The following MEMO1 variants were observed in gnomAD, a reference collection of about 807,000 sequenced individuals.
The protein encoded by MEMO1 is protein MEMO1.
In MEMO1, 6 loss-of-function variants were observed where a neutral mutation model predicts 45.2. The observed-to-expected ratio is 0.13, with a 90% CI of 0.07 to 0.26. The LOEUF is 0.26. Ranked by LOEUF, MEMO1 falls within the 10% of genes least tolerant of loss-of-function variation. The pLI, the probability that MEMO1 is intolerant of heterozygous loss-of-function variation, is 1.00. For synonymous variants in MEMO1, 78 were observed against 124.3 expected (o/e 0.63, Z 2.48); for missense variants, 184 against 370.5 (o/e 0.50, Z 4.13).
At chr2:31,901,473 C>T (rs1678806471) in intron 6 of MEMO1, among the ~76,000 whole-genome samples, 1 of 147,226 alleles carries the variant, frequency 6.8e-6, no homozygotes, top group South Asian at 2.2e-4. Context: ...AAATAGACTA[C>T]ATTTTGTACA....
In MEMO1 at chr2:32,006,590, C is replaced by CG. The variant is rs1558574092; in HGVS notation, c.61+3596_61+3597insC. Among the ~76,000 whole-genome samples, 673 of 140,316 alleles carry CG rather than the reference C, an allele frequency of 4.8e-3. 9 individuals are homozygous for CG. The highest frequency in any genetic ancestry group is 0.016 in the African/African-American group (586 of 36,528). The allele number at this position is 140,316 out of a possible 152,430, so 92.1% of individuals were successfully genotyped here. On this transcript the variant is annotated intron_variant, in intron 2 of 9. Coordinates refer to ENST00000404530, the MANE Select transcript of MEMO1 (RefSeq NM_001301833.4). ...AACCATTCTTAGCTACTGGACCTTACCAAAAAAAAAAAAAAAGGGCTGCAG... is the reference window on the plus strand; with the variant it reads ...AACCATTCTTAGCTACTGGACCTTACGCAAAAAAAAAAAAAAAGGGCTGCAG...
chr2:31,936,530 G>A (rs2148284420), intron 3 of MEMO1, among the ~76,000 whole-genome samples: 1 of 152,258 alleles, frequency 6.6e-6, no homozygotes, highest in Non-Finnish European at 1.5e-5. Context: ...CAGAATTTCT[G>A]TTTTTCCCTG....
chr2:31,890,647 G>A (rs938270216), intron 7 of MEMO1, among the ~76,000 whole-genome samples: 1 of 152,054 alleles, frequency 6.6e-6, no homozygotes, highest in Non-Finnish European at 1.5e-5. Flanking sequence ...TCTCTGGGGG[G>A]TTGGAAAGGA....
chr2:31,991,930 CAGTT>C (rs945465761), intron 2 of MEMO1, among the ~76,000 whole-genome samples: 6 of 152,120 alleles, frequency 3.9e-5, no homozygotes, highest in Admixed American at 2.6e-4. Context: ...GTAAAATCAG[CAGTT>C]ATTTTATTAA....
In MEMO1 at chr2:31,950,578, C is replaced by G. The variant is rs547742692; in HGVS notation, c.62-7195G>C. ...TACTAAAAACACAAGAAAAAACTAG[C>G]CAGGCATGGTGGCGCACACCTGTAA... is the stretch of plus-strand genomic sequence containing the variant. On this transcript the variant is annotated intron_variant, in intron 2 of 9. Coordinates refer to ENST00000404530, the MANE Select transcript of MEMO1 (RefSeq NM_001301833.4). 2.6e-5 allele frequency among the ~76,000 whole-genome samples: 4 copies of G among 151,458 alleles called. No homozygotes were observed. The South Asian group carries it at 8.3e-4, about 32-fold the overall frequency.
intron 2 of MEMO1, among the ~76,000 whole-genome samples, chr2:31,969,586 G>GGTGGGTGTGTGTGTGTGTGT (rs1273367737): frequency 8.4e-6 from 1 of 119,228 alleles, no homozygotes; most frequent in East Asian, 2.4e-4. Context: ...TGTGTGTGTG[G>GGTGGGTGTGTGTGTGTGTGT]GTGTGTGTGT....
intron 2 of MEMO1, among the ~76,000 whole-genome samples, chr2:32,008,326 C>G (rs1351412747): frequency 6.6e-6 from 1 of 152,206 alleles, no homozygotes; most frequent in African/African-American, 2.4e-5. Context: ...TGGCTCACGC[C>G]GGTAATCCCA....
At chr2:31,921,912 T>C (rs1200575426) in intron 4 of MEMO1, among the ~76,000 whole-genome samples, 1 of 152,298 alleles carries the variant, frequency 6.6e-6, no homozygotes, top group East Asian at 1.9e-4. Flanking sequence ...CTTAAATCTT[T>C]ACAATCTCTT....
chr2:31,959,765 C>T (rs1322491979), intron 2 of MEMO1, among the ~76,000 whole-genome samples: 3 of 108,548 alleles, frequency 2.8e-5, no homozygotes, highest in African/African-American at 1.0e-4. Flanking sequence ...TGAAACACAA[C>T]CTTGGGCATC....
At position 31,869,968 on chromosome 2, in the gene MEMO1, A is replaced by G; in HGVS notation, c.658-16T>C. ...TACTCATACCCTAAAAAAAAAAAAAAAGAAGAGGAAGAAAAAAATAAAAGA... is the reference window on the plus strand; with the variant it reads ...TACTCATACCCTAAAAAAAAAAAAAGAGAAGAGGAAGAAAAAAATAAAAGA... On this transcript the variant is annotated splice_polypyrimidine_tract_variant and intron_variant, in intron 8 of 9. Transcript: ENST00000404530. 2.1e-6 allele frequency: 3 copies of G among 1,403,134 alleles called. No individual in the cohort carries two copies. The highest frequency in any genetic ancestry group is 2.8e-6 in the Non-Finnish European group (3 of 1,059,860). 86.9% of individuals were successfully genotyped at this position (1,403,134 alleles called of 1,614,324 possible).
chr2:31,917,825 AAT>A, intron 6 of MEMO1, 99 bp downstream of exon 6: 1 of 688,020 alleles, frequency 1.5e-6, no homozygotes, highest in Non-Finnish European at 2.2e-6. Flanking sequence ...CTCACATCTT[AAT>A]CTCCTTACCC....
intron 2 of MEMO1, among the ~76,000 whole-genome samples, chr2:31,957,944 T>C (rs1024387146): frequency 1.1e-4 from 17 of 152,198 alleles, no homozygotes; most frequent in African/African-American, 3.9e-4. Context: ...AAGTGCCAGC[T>C]CATCCATCTA....
chr2:31,873,163 A>G (rs1343480185), intron 8 of MEMO1, among the ~76,000 whole-genome samples: 1 of 152,188 alleles, frequency 6.6e-6, no homozygotes, highest in Admixed American at 6.5e-5. Flanking sequence ...AGTCCAGGCA[A>G]TGAGAGCTTC....
intron 3 of MEMO1, among the ~76,000 whole-genome samples, chr2:31,939,619 A>C (rs1291449624): frequency 6.6e-6 from 1 of 152,222 alleles, no homozygotes; most frequent in East Asian, 1.9e-4. Context: ...AAATTGATGA[A>C]ATGAGAATGT....
chr2:31,914,304 T>A (rs1681079541), intron 6 of MEMO1, among the ~76,000 whole-genome samples: 1 of 151,970 alleles, frequency 6.6e-6, no homozygotes, highest in East Asian at 1.9e-4. Context: ...TCAAAGCAAC[T>A]GAATTCACAG....
chr2:32,007,595 C>T (rs572919869), intron 2 of MEMO1, among the ~76,000 whole-genome samples: 5 of 152,102 alleles, frequency 3.3e-5, no homozygotes, highest in African/African-American at 1.2e-4. Context: ...GTGTTTTCAC[C>T]CTTATTTATG....
At chr2:31,940,601 G>A (rs1396897911) in intron 3 of MEMO1, among the ~76,000 whole-genome samples, 3 of 152,310 alleles carry the variant, frequency 2.0e-5, no homozygotes, top group Non-Finnish European at 4.4e-5. Flanking sequence ...GTACAGTGGT[G>A]CAAACAGACC....
At chr2:31,874,189 T>A (rs760099751) in intron 8 of MEMO1, among the ~76,000 whole-genome samples, 5 of 152,094 alleles carry the variant, frequency 3.3e-5, no homozygotes, top group Non-Finnish European at 7.4e-5. Flanking sequence ...AAAAGTAGTA[T>A]AATAAAAATG....
chr2:31,930,957 A>C (rs1351291871), intron 4 of MEMO1, among the ~76,000 whole-genome samples: 2 of 151,674 alleles, frequency 1.3e-5, no homozygotes, highest in African/African-American at 4.8e-5. Context: ...CCAGGCCCAG[A>C]CTAAAAAATC....
Sources: allele counts gnomAD v4.1 joint callset (sites outside exome capture counted in the v4.1 genomes callset), GRCh38; gene constraint gnomAD v4.1.1; transcripts MANE v1.5; gene names NCBI Gene and HGNC (gene_info 2026-07-23, HGNC 2026-07-21).